MAGI2: variants seen among roughly 807,000 people sequenced by gnomAD.
The protein encoded by MAGI2 is membrane associated guanylate kinase, WW and PDZ domain containing 2, also known as membrane-associated guanylate kinase, WW and PDZ domain-containing protein 2.
MAGI2 carries 35 observed loss-of-function variants against 133.3 expected under a neutral mutation model. The observed-to-expected ratio is 0.26, with a 90% CI of 0.20 to 0.35. MAGI2 has a LOEUF of 0.35. MAGI2 is among the 10% of genes least tolerant of loss of function. The pLI is 1.00. For synonymous variants in MAGI2, 729 were observed against 710.6 expected (o/e 1.03, Z -0.41); for missense variants, 1,636 against 1,863.4 (o/e 0.88, Z 2.25).
intron 1 of MAGI2, among the ~76,000 whole-genome samples, chr7:79,340,395 G>A (rs927366878): frequency 1.3e-5 from 2 of 152,008 alleles, no homozygotes; most frequent in African/African-American, 2.4e-5. Context: ...AATTCTGCCA[G>A]TTGAAATTCT....
intron 1 of MAGI2, among the ~76,000 whole-genome samples, chr7:79,393,773 T>C (rs1362717713): frequency 2.6e-5 from 4 of 152,156 alleles, no homozygotes; most frequent in Non-Finnish European, 5.9e-5. Context: ...ATAAGTTGAA[T>C]ATGTGAAAGT....
intron 2 of MAGI2, among the ~76,000 whole-genome samples, chr7:78,668,407 A>G (rs942422581): frequency 5.3e-5 from 8 of 150,348 alleles, no homozygotes; most frequent in African/African-American, 2.0e-4. Context: ...ATTAGATCCC[A>G]TTTGTCAATT....
intron 9 of MAGI2, among the ~76,000 whole-genome samples, chr7:78,294,193 CTG>C (rs779574706): frequency 1.2e-4 from 18 of 151,984 alleles, no homozygotes; most frequent in Non-Finnish European, 1.9e-4. Context: ...CCCAATTAGA[CTG>C]TGAACTTCCA....
chr7:78,774,294 T>C (rs918551133), intron 2 of MAGI2, among the ~76,000 whole-genome samples: 3 of 152,140 alleles, frequency 2.0e-5, no homozygotes, highest in Admixed American at 6.5e-5. Context: ...TAGAAGCTGT[T>C]GTAGAGGATA....
chr7:78,194,730 A>G, intron 12 of MAGI2, 144 bp downstream of exon 12: 2 of 556,224 alleles, frequency 3.6e-6, no homozygotes. Flanking sequence ...TTTCTAAGAT[A>G]ATTTTAGACC....
intron 2 of MAGI2, among the ~76,000 whole-genome samples, chr7:79,002,970 A>G (rs1038873139): frequency 1.3e-5 from 2 of 151,096 alleles, no homozygotes; most frequent in African/African-American, 2.4e-5. Context: ...GACAAAATAC[A>G]AGGCTAAATA....
chr7:79,230,544 G>A (rs1831274339), intron 1 of MAGI2, among the ~76,000 whole-genome samples: 1 of 151,902 alleles, frequency 6.6e-6, no homozygotes, highest in Admixed American at 6.6e-5. Context: ...GATGGCCAGT[G>A]ATGACGAGCA....
At chr7:78,065,360 C>A (rs1813708962) in intron 21 of MAGI2, among the ~76,000 whole-genome samples, 1 of 152,156 alleles carries the variant, frequency 6.6e-6, no homozygotes, top group Non-Finnish European at 1.5e-5. Context: ...TCATTCTAGG[C>A]TGGCCCCTGC....
chr7:78,417,567 GTTAT>G (rs1372849482), intron 6 of MAGI2, among the ~76,000 whole-genome samples: 2 of 152,226 alleles, frequency 1.3e-5, no homozygotes, highest in East Asian at 3.9e-4. Flanking sequence ...AAGACCATGA[GTTAT>G]TTGAGAGCAA....
rs558046180 is a variant in MAGI2, at chr7:78,456,317, A to G, written c.1045+33444T>C. On this transcript the variant is annotated intron_variant, in intron 6 of 21. Coordinates refer to ENST00000354212, the MANE Select transcript of MAGI2 (RefSeq NM_012301.4). ...GTTTGTGCCATATTAACCCTGGGAC[A>G]TATTCTACCTTCCATCTCCCTTAAA... is the stretch of plus-strand genomic sequence containing the variant. 1.1e-3 allele frequency among the ~76,000 whole-genome samples: 169 copies of G among 152,288 alleles called. 1 individual carries two copies. Among genetic ancestry groups the G allele is most frequent in the African/African-American group, 3.8e-3 (159 of 41,576 alleles).
At chr7:78,550,523 T>C (rs147978420) in intron 3 of MAGI2, among the ~76,000 whole-genome samples, 2 of 152,234 alleles carry the variant, frequency 1.3e-5, no homozygotes, top group Non-Finnish European at 2.9e-5. Flanking sequence ...TAAAATCTAC[T>C]CCTGGAATAA....
intron 1 of MAGI2, among the ~76,000 whole-genome samples, chr7:79,115,707 A>AT (rs527573094): frequency 5.3e-5 from 8 of 152,018 alleles, no homozygotes; most frequent in Non-Finnish European, 1.0e-4. Flanking sequence ...CTCCTAATAG[A>AT]TTTTTTTTAA....
chr7:78,302,219 C>T (rs1163177364), intron 9 of MAGI2, among the ~76,000 whole-genome samples: 1 of 152,114 alleles, frequency 6.6e-6, no homozygotes, highest in Non-Finnish European at 1.5e-5. Context: ...TTTCAAATTC[C>T]TTTCACATTC....
At chr7:78,305,672 T>A (rs1413689208) in intron 9 of MAGI2, among the ~76,000 whole-genome samples, 2 of 152,148 alleles carry the variant, frequency 1.3e-5, no homozygotes, top group Admixed American at 6.5e-5. Context: ...TCAGGAATCC[T>A]CTAGAAGGGC....
chr7:78,815,427 C>T (rs576058437), intron 2 of MAGI2, among the ~76,000 whole-genome samples: 4 of 152,256 alleles, frequency 2.6e-5, no homozygotes, highest in South Asian at 2.1e-4. Flanking sequence ...CAGAGACTAA[C>T]ATTAGGATTA....
At chr7:78,580,766 T>C (rs1297295740) in intron 3 of MAGI2, among the ~76,000 whole-genome samples, 1 of 152,204 alleles carries the variant, frequency 6.6e-6, no homozygotes, top group Non-Finnish European at 1.5e-5. Flanking sequence ...TCTATTTCTA[T>C]CCAACATTTG....
chr7:79,233,099 T>C (rs1485241829), intron 1 of MAGI2, among the ~76,000 whole-genome samples: 1 of 133,268 alleles, frequency 7.5e-6, no homozygotes, highest in Non-Finnish European at 1.6e-5. Context: ...TGTAGTTGAG[T>C]GGTTTTGAGT....
chr7:78,318,736 C>T (rs962103394), intron 9 of MAGI2, among the ~76,000 whole-genome samples: 3 of 152,132 alleles, frequency 2.0e-5, no homozygotes, highest in Non-Finnish European at 4.4e-5. Flanking sequence ...TCAGGTTACC[C>T]ACAAAAGGAA....
intron 2 of MAGI2, among the ~76,000 whole-genome samples, chr7:78,986,714 T>C (rs1473403875): frequency 6.6e-6 from 1 of 151,916 alleles, no homozygotes; most frequent in Non-Finnish European, 1.5e-5. Context: ...GTTGAAGTGA[T>C]TTAGCCAAAG....
Sources: allele counts gnomAD v4.1 joint callset (sites outside exome capture counted in the v4.1 genomes callset), GRCh38; gene constraint gnomAD v4.1.1; transcripts MANE v1.5; gene names NCBI Gene and HGNC (gene_info 2026-07-23, HGNC 2026-07-21).